Variants in TDRD1 observed in about 807,000 individuals in gnomAD.
TDRD1 encodes the protein tudor domain containing 1, also known as tudor domain-containing protein 1.
TDRD1 carries 37 observed loss-of-function variants against 140.6 expected under a neutral mutation model. The ratio of observed to expected loss-of-function variants is 0.26; its 90% CI spans 0.20 to 0.35. The LOEUF is 0.35. Ranked by LOEUF, TDRD1 falls within the 10% of genes least tolerant of loss-of-function variation. The probability of loss-of-function intolerance (pLI) is 1.00; values close to 1 mark genes in which losing one functional copy is unlikely to be tolerated. For missense variants in TDRD1, 1,243 were observed against 1,393.0 expected, an observed-to-expected ratio of 0.89 and a Z score of 1.71; for synonymous variants, 506 against 475.7, an observed-to-expected ratio of 1.06 and a Z score of -0.83.
chr10:114,203,365 CT>C, intron 7 of TDRD1, 22 bp from the exon 8 acceptor site: 1 of 1,552,394 alleles, frequency 6.4e-7, no homozygotes, highest in South Asian at 1.2e-5. Flanking sequence ...TGAATTATTC[CT>C]CTTTTTTTTT....
upstream of TDRD1, among the ~76,000 whole-genome samples, chr10:114,177,044 G>T (rs2032708016): frequency 6.6e-6 from 1 of 152,000 alleles, no homozygotes; most frequent in East Asian, 1.9e-4. Context: ...GGAAAAATCT[G>T]AGCAAGGAAA....
At chr10:114,228,742 T>C in intron 25 of TDRD1, 1 of 985,434 alleles carries the variant, frequency 1.0e-6, no homozygotes, top group Non-Finnish European at 1.2e-6. Flanking sequence ...GGATCCTTTG[T>C]TGTAAGATGG....
exon 20 of TDRD1, chr10:114,221,367 A>C: frequency 6.2e-7 from 1 of 1,613,304 alleles, no homozygotes; most frequent in South Asian, 1.1e-5. Flanking sequence ...CTACCTCTTC[A>C]GCTGAGCAAT....
intron 16 of TDRD1, 73 bp from the exon 17 acceptor site, chr10:114,217,472 G>C: frequency 1.3e-6 from 1 of 799,598 alleles, no homozygotes. Flanking sequence ...CACGTTTTCT[G>C]ACTTTAAAGG....
chr10:114,202,172 T>C, intron 5 of TDRD1, 66 bp from the exon 6 acceptor site: 3 of 1,229,668 alleles, frequency 2.4e-6, no homozygotes, highest in South Asian at 2.8e-5. Context: ...ACCATAATTG[T>C]GGTTGATAGC....
chr10:114,194,791 C>T (rs1263176819), intron 3 of TDRD1, among the ~76,000 whole-genome samples: 6 of 148,940 alleles, frequency 4.0e-5, no homozygotes, highest in Non-Finnish European at 7.4e-5. Context: ...CAAGGTCTCC[C>T]TCTGTCATCC....
At chr10:114,226,909 A>T (rs1242793262) in intron 22 of TDRD1, among the ~76,000 whole-genome samples, 163 bp from the exon 23 acceptor site, 2 of 152,192 alleles carry the variant, frequency 1.3e-5, no homozygotes, top group African/African-American at 4.8e-5. Flanking sequence ...ATCAATATGT[A>T]TTGAATAAAT....
intron 21 of TDRD1, 58 bp from the exon 22 acceptor site, chr10:114,225,991 T>TA: frequency 6.9e-7 from 1 of 1,444,542 alleles, no homozygotes; most frequent in Non-Finnish European, 9.7e-7. Flanking sequence ...ATAGCCATCT[T>TA]AAAGTAGGAG....
chr10:114,231,239 C>T (rs1260294452), intron 25 of TDRD1, among the ~76,000 whole-genome samples: 2 of 152,054 alleles, frequency 1.3e-5, no homozygotes, highest in East Asian at 3.9e-4. Flanking sequence ...TGTCAGATAT[C>T]TTTTATATAT....
At chr10:114,191,658 G>A (rs767915664) in intron 3 of TDRD1, among the ~76,000 whole-genome samples, 12 of 152,074 alleles carry the variant, frequency 7.9e-5, no homozygotes, top group South Asian at 2.1e-4. Context: ...ACTTTTTGGC[G>A]TTAAAACTAA....
chr10:114,187,079 C>T (rs183901484), intron 1 of TDRD1, among the ~76,000 whole-genome samples: 34 of 152,166 alleles, frequency 2.2e-4, no homozygotes, highest in African/African-American at 8.0e-4. Flanking sequence ...TTAAGAGTAA[C>T]GGAAAAACAA....
intron 10 of TDRD1, 79 bp from the exon 11 acceptor site, chr10:114,206,165 C>T (rs192095442): frequency 1.8e-6 from 2 of 1,097,614 alleles, no homozygotes; most frequent in South Asian, 2.7e-5. Flanking sequence ...GTATGATTGA[C>T]TTGTTTCTTC....
chr10:114,228,017 T>C (rs779136990), intron 24 of TDRD1, 21 bp from the exon 25 acceptor site: 4 of 1,610,352 alleles, frequency 2.5e-6, no homozygotes, highest in Admixed American at 1.7e-5. Context: ...TTAAATCATA[T>C]GGTTTCTTTT....
At chr10:114,227,659 A>G (rs971192327) in intron 23 of TDRD1, among the ~76,000 whole-genome samples, 4 of 152,238 alleles carry the variant, frequency 2.6e-5, no homozygotes, top group South Asian at 4.1e-4. Flanking sequence ...CATAAGATGT[A>G]TATTTGACAG....
At chr10:114,204,686 G>A (rs1301723538) in intron 9 of TDRD1, 36 bp from the exon 10 acceptor site, 2 of 1,559,364 alleles carry the variant, frequency 1.3e-6, no homozygotes, top group Admixed American at 2.2e-5. Context: ...TTTTTAAATG[G>A]TAATTTTTGT....
exon 10 of TDRD1, chr10:114,204,861 C>T: frequency 6.3e-7 from 1 of 1,593,792 alleles, no homozygotes. Flanking sequence ...GAAGTGGTTA[C>T]CTTTGCTGTA....
rs1331354504 is a variant in TDRD1 at position 114,203,583 on chromosome 10, A to G, written c.981+16A>G. ...TGTTGATCAGGTAACCTGTAATGAA[A>G]TGAATTATTTAAAACGTTTGAGCTA... On this transcript the variant is annotated intron_variant, in intron 8 of 25. Coordinates refer to ENST00000251864, the Ensembl canonical transcript of TDRD1. 1 of 1,583,976 alleles carries G rather than the reference A, an allele frequency of 6.3e-7. No homozygotes were observed. The highest frequency in any genetic ancestry group is 1.9e-5 in the Admixed American group (1 of 52,968).
intron 1 of TDRD1, among the ~76,000 whole-genome samples, chr10:114,182,108 T>G (rs960886148): frequency 7.2e-5 from 11 of 152,346 alleles, no homozygotes; most frequent in African/African-American, 2.6e-4. Flanking sequence ...AGGGACATCC[T>G]GACTTTCCTG....
At chr10:114,204,860 A>G (rs775308739) in exon 10 of TDRD1, 7 of 1,594,510 alleles carry the variant, frequency 4.4e-6, no homozygotes, top group Non-Finnish European at 6.0e-6. Flanking sequence ...GGAAGTGGTT[A>G]CCTTTGCTGT....
Sources: allele counts gnomAD v4.1 joint callset (sites outside exome capture counted in the v4.1 genomes callset), GRCh38; gene constraint gnomAD v4.1.1; transcripts MANE v1.5; gene names NCBI Gene and HGNC (gene_info 2026-07-23, HGNC 2026-07-21).